Variants in PSD3 observed in about 807,000 individuals in gnomAD.
PSD3 encodes pleckstrin and Sec7 domain containing 3, also known as PH and SEC7 domain-containing protein 3.
PSD3 carries 49 observed loss-of-function variants against 105.5 expected under a neutral mutation model. That is an observed-to-expected ratio of 0.46 (90% confidence interval 0.37 to 0.59). The LOEUF (loss-of-function observed/expected upper bound fraction) is 0.59, where lower values mean the gene tolerates loss of function less well. Ranked by LOEUF, PSD3 falls within the 20% of genes least tolerant of loss-of-function variation. The pLI, the probability that PSD3 is intolerant of heterozygous loss-of-function variation, is 0.00. For missense variants in PSD3, 1,561 were observed against 1,263.8 expected, an observed-to-expected ratio of 1.24 and a Z score of -3.57; for synonymous variants, 557 against 457.8, an observed-to-expected ratio of 1.22 and a Z score of -2.77.
intron 2 of PSD3, among the ~76,000 whole-genome samples, chr8:18,884,592 A>G (rs1405598786): frequency 6.6e-6 from 1 of 151,932 alleles, no homozygotes; most frequent in African/African-American, 2.4e-5. Context: ...TGCTAAAGGC[A>G]CAGATATTTA....
chr8:18,575,357 A>G, intron 12 of PSD3, 72 bp from the exon 13 acceptor site: 1 of 1,401,198 alleles, frequency 7.1e-7, no homozygotes, highest in Non-Finnish European at 9.5e-7. Flanking sequence ...TAAAAGCAAA[A>G]ACTAAAAAAA....
chr8:18,910,583 C>A, intron 2 of PSD3, among the ~76,000 whole-genome samples: 1 of 106,902 alleles, frequency 9.4e-6, no homozygotes, highest in African/African-American at 3.7e-5. Flanking sequence ...CACATGTATA[C>A]ATATGTAACT....
intron 2 of PSD3, among the ~76,000 whole-genome samples, chr8:18,930,567 CA>C: frequency 7.3e-6 from 1 of 137,874 alleles, no homozygotes; most frequent in East Asian, 2.2e-4. Context: ...CTAACTTTTT[CA>C]ATTTTTTTTT....
chr8:18,630,002 C>T (rs1017045152), intron 11 of PSD3, among the ~76,000 whole-genome samples: 18 of 151,922 alleles, frequency 1.2e-4, no homozygotes, highest in African/African-American at 3.6e-4. Flanking sequence ...CACGCTCCTC[C>T]TGATAGCCCC....
intron 1 of PSD3, among the ~76,000 whole-genome samples, chr8:19,019,306 C>T (rs1827285023): frequency 6.6e-6 from 1 of 151,796 alleles, no homozygotes; most frequent in South Asian, 2.1e-4. Flanking sequence ...AGTCATTGCA[C>T]GTCAAAAAAG....
At chr8:18,589,707 G>A (rs1468924457) in intron 12 of PSD3, among the ~76,000 whole-genome samples, 6 of 152,188 alleles carry the variant, frequency 3.9e-5, no homozygotes, top group Non-Finnish European at 8.8e-5. Flanking sequence ...AGCCATCAAA[G>A]TGGCAAGAAG....
At chr8:18,674,251 C>T (rs950746650) in intron 9 of PSD3, among the ~76,000 whole-genome samples, 7 of 152,184 alleles carry the variant, frequency 4.6e-5, no homozygotes, top group Non-Finnish European at 8.8e-5. Context: ...GGGCTGTCCT[C>T]GTTCGACTCA....
At chr8:18,612,562 G>C (rs1805344805) in intron 11 of PSD3, among the ~76,000 whole-genome samples, 2 of 151,964 alleles carry the variant, frequency 1.3e-5, no homozygotes, top group African/African-American at 2.4e-5. Flanking sequence ...TAGTAGAGAT[G>C]GGTTTCACTA....
At chr8:18,556,173 G>A (rs767368813) in intron 15 of PSD3, 36 bp downstream of exon 15, 10 of 1,608,188 alleles carry the variant, frequency 6.2e-6, no homozygotes, top group Non-Finnish European at 8.5e-6. Context: ...AGAAAACTCA[G>A]AAATCAGCAT....
intron 9 of PSD3, among the ~76,000 whole-genome samples, chr8:18,750,282 T>G (rs1234184316): frequency 1.3e-5 from 2 of 152,124 alleles, no homozygotes; most frequent in African/African-American, 4.8e-5. Flanking sequence ...CTGGAGTTTG[T>G]TCCTTCTGAT....
chr8:18,725,810 C>T lies in PSD3; in HGVS notation c.2172+39639G>A, dbSNP rs556288762. Among the ~76,000 whole-genome samples, 64 of 152,072 alleles carry T rather than the reference C, an allele frequency of 4.2e-4. 2 individuals carry two copies. The South Asian group carries it at 0.011, about 26-fold the overall frequency. ...TAATGCAGAGACTCTAGGCAACTCCCGAAGAAACAAGTTATAAAAGAGAGG... is the reference window on the plus strand; with the variant it reads ...TAATGCAGAGACTCTAGGCAACTCCTGAAGAAACAAGTTATAAAAGAGAGG... On this transcript the variant is annotated intron_variant, in intron 9 of 15. Transcript: ENST00000327040.
rs3042894 is a variant in PSD3, at chr8:18,625,187, T to TACACACACACAC, written c.2410+7414_2410+7425dup. Among the ~76,000 whole-genome samples the TACACACACACAC allele has an allele frequency of 2.8e-3, 414 of 149,358 alleles. 1 individual carries two copies. Among genetic ancestry groups the TACACACACACAC allele is most frequent in the African/African-American group, 9.7e-3 (395 of 40,590 alleles). On this transcript the variant is annotated intron_variant, in intron 11 of 15. Transcript: ENST00000327040. Reference sequence around the variant, plus strand: ...TTTGTGTTAGAACTGAGGTGGGGAATACACACACACACACACACACACACA... The same window carrying TACACACACACAC: ...TTTGTGTTAGAACTGAGGTGGGGAATACACACACACACACACACACACACACACACACACACA...
At position 18,867,823 on chromosome 8, in the gene PSD3, C is replaced by T. The variant is rs1429300299; in HGVS notation, c.1485G>A (p.Arg495=). Residue 495 remains arginine, a synonymous_variant, in exon 4 of 16, where the codon AGG becomes AGA. Coordinates refer to ENST00000327040, the MANE Select transcript of PSD3 (RefSeq NM_015310.4). ...RIKEGGQFLE[R]TSGGGHQDIL... ...TATCCTGATGTCCTCCCCCTGATGT[C>T]CTCTCCAAGAACTGACCACCTTCTT... 13 of 1,614,172 alleles carry T rather than the reference C, an allele frequency of 8.1e-6. No individual in the cohort carries two copies. Among genetic ancestry groups the T allele is most frequent in the Non-Finnish European group, 1.1e-5 (13 of 1,180,026 alleles).
chr8:18,606,503 G>C (rs1016919296), intron 11 of PSD3, among the ~76,000 whole-genome samples: 12 of 152,198 alleles, frequency 7.9e-5, no homozygotes, highest in African/African-American at 2.9e-4. Context: ...TATTATGGGA[G>C]AGTTTCAGAA....
At chr8:18,728,098 G>T (rs1283328329) in intron 9 of PSD3, among the ~76,000 whole-genome samples, 2 of 151,994 alleles carry the variant, frequency 1.3e-5, no homozygotes, top group African/African-American at 4.8e-5. Flanking sequence ...GTAGAAGAGA[G>T]AGTGTTAAAC....
chr8:18,841,348 CAG>C (rs979296637), intron 4 of PSD3, among the ~76,000 whole-genome samples: 9 of 152,184 alleles, frequency 5.9e-5, no homozygotes, highest in Admixed American at 1.3e-4. Flanking sequence ...TGGGGAGGCC[CAG>C]AGAGTGGAGC....
At chr8:18,786,445 C>G (rs1809168290) in intron 8 of PSD3, among the ~76,000 whole-genome samples, 1 of 152,170 alleles carries the variant, frequency 6.6e-6, no homozygotes, top group African/African-American at 2.4e-5. Context: ...CATACCTCAT[C>G]CTAAATTCAG....
chr8:19,074,105 T>A (rs1026696231), intron 1 of PSD3, among the ~76,000 whole-genome samples: 1 of 152,290 alleles, frequency 6.6e-6, no homozygotes, highest in South Asian at 2.1e-4. Flanking sequence ...GAATTGTTTA[T>A]GTGCTGCCTC....
chr8:18,631,871 C>G (rs1019187742), intron 11 of PSD3, among the ~76,000 whole-genome samples: 6 of 152,016 alleles, frequency 3.9e-5, no homozygotes, highest in African/African-American at 1.4e-4. Context: ...TACTATCCAT[C>G]TCTTCACCCC....
Sources: gnomAD v4.1 joint callset for allele counts (sites outside exome capture counted in the v4.1 genomes callset) on GRCh38, gnomAD v4.1.1 for gene constraint, MANE v1.5 for transcripts, NCBI Gene and HGNC (gene_info 2026-07-23, HGNC 2026-07-21) for gene names.